The following CUL9 variants were observed in gnomAD, a reference collection of about 807,000 sequenced individuals.
CUL9 encodes the protein cullin 9.
In CUL9, 79 loss-of-function variants were observed where a neutral mutation model predicts 272.6. That is an observed-to-expected ratio of 0.29 (90% CI 0.24 to 0.35). The LOEUF (loss-of-function observed/expected upper bound fraction) is 0.35. CUL9 is among the 10% of genes least tolerant of loss of function. The pLI is 1.00. For synonymous variants in CUL9, 1,186 were observed against 1,286.5 expected (o/e 0.92, Z 1.67); for missense variants, 2,532 against 3,255.6 (o/e 0.78, Z 5.41).
rs745608276 is a variant in CUL9, at chr6:43,224,407, G to A, written c.7516G>A (p.Gly2506Ser). 2 of 1,614,110 alleles carry A rather than the reference G, an allele frequency of 1.2e-6. No individual in the cohort carries two copies. Among genetic ancestry groups the A allele is most frequent in the Non-Finnish European group, 1.7e-6 (2 of 1,180,020 alleles). ...CCTGGACCAAGAGACTTTCTTCTTT[G>A]GTGATGAGGAAGAGGATGAAGATGA... ...ENLDQETFFF[G>S]DEEEDEDEAY... Residue 2506 changes from glycine (G) to serine (S), a missense_variant, in exon 41 of 41, where the codon GGT becomes AGT. By Grantham distance (56) the Gly-to-Ser change is moderately conservative. This residue lies in a region of CUL9 where 237 missense variants were observed against 305.9 expected (regional missense o/e 0.77). Transcript: ENST00000252050. This position sits in a 1 kb window ranked among gnomAD's most constrained non-coding sequence, Gnocchi z 4.2.
At chr6:43,191,300 T>TGTGTGCGTG (rs1562020004) in intron 8 of CUL9, among the ~76,000 whole-genome samples, 4 of 122,988 alleles carry the variant, frequency 3.3e-5, no homozygotes, top group African/African-American at 1.6e-4. Context: ...GTGCGTGTTG[T>TGTGTGCGTG]TTTTTTTTTT....
intron 9 of CUL9, among the ~76,000 whole-genome samples, chr6:43,194,298 T>TTTTTTTC (rs566445915): frequency 2.0e-5 from 3 of 152,032 alleles, no homozygotes; most frequent in Non-Finnish European, 2.9e-5. Flanking sequence ...CTTTTCTCTT[T>TTTTTTTC]TTTTTTCTTT....
rs1237208021 is a variant in CUL9 at position 43,213,682 on chromosome 6, C to T, written c.5489-31C>T. 1.2e-5 allele frequency: 19 copies of T among 1,609,530 alleles called. No homozygotes were observed. The highest frequency in any genetic ancestry group is 2.1e-4 in the Middle Eastern group (1 of 4,856). Reference sequence around the variant, plus strand: ...TCCCCATTCATCTGTCCCTCTGCCTCCTCTGGTACCTGACCGGGAGCGGGT... The same window carrying T: ...TCCCCATTCATCTGTCCCTCTGCCTTCTCTGGTACCTGACCGGGAGCGGGT... On this transcript the variant is annotated intron_variant, in intron 28 of 40. Coordinates refer to ENST00000252050, the MANE Select transcript of CUL9 (RefSeq NM_015089.4). This position sits in a 1 kb window ranked among gnomAD's most constrained non-coding sequence, Gnocchi z 5.7.
chr6:43,205,208 C>T, intron 23 of CUL9, 55 bp from the exon 24 acceptor site: 11 of 1,600,138 alleles, frequency 6.9e-6, no homozygotes, highest in Non-Finnish European at 9.4e-6. Flanking sequence ...GCTCCCCAGT[C>T]TCCTACTCCA....
chr6:43,192,051 C>A (rs1773569796), intron 8 of CUL9, among the ~76,000 whole-genome samples: 1 of 146,842 alleles, frequency 6.8e-6, no homozygotes, highest in Non-Finnish European at 1.5e-5. Context: ...CAAGCCTACC[C>A]CTTTTCTCTT....
intron 21 of CUL9, 86 bp downstream of exon 21, chr6:43,204,625 T>G: frequency 6.3e-7 from 1 of 1,589,122 alleles, no homozygotes; most frequent in Admixed American, 1.7e-5. Flanking sequence ...CTCTTGCTGC[T>G]TTGCTACCGG....
At position 43,196,083 on chromosome 6, in the gene CUL9, G is replaced by A; in HGVS notation, c.2403G>A (p.Leu801=). The change falls in exon 10 of 41, where the codon CTG becomes CTA. Residue 801 remains leucine, a synonymous_variant. Coordinates refer to ENST00000252050, the MANE Select transcript of CUL9 (RefSeq NM_015089.4). ...CCCCCTCACAGGCACTGAAGATGCT[G>A]GCCGTCGCCAGCTCCTCGGAGATCC... is the stretch of plus-strand genomic sequence containing the variant. ...QQAGLAALKM[L]AVASSSEIPT... 1 of 1,612,856 alleles carries A rather than the reference G, an allele frequency of 6.2e-7. No individual in the cohort carries two copies. The highest frequency in any genetic ancestry group is 8.5e-7 in the Non-Finnish European group (1 of 1,179,102).
chr6:43,183,815 C>T (rs769427064), intron 1 of CUL9, among the ~76,000 whole-genome samples: 9 of 151,720 alleles, frequency 5.9e-5, no homozygotes, highest in Non-Finnish European at 1.2e-4. Flanking sequence ...TACAGTGGCG[C>T]GGTCTTGGCT....
Position 43,203,585 on chromosome 6 carries a change from T to C in CUL9, c.4018T>C (p.Cys1340Arg). The change falls in exon 19 of 41, where the codon TGT (cysteine) becomes CGT (arginine). Residue 1340 changes from cysteine to arginine, a missense_variant. Transcript: ENST00000252050. This position sits in a 1 kb window ranked among gnomAD's most constrained non-coding sequence, Gnocchi z 5.0. ...GGACCACCGGCGCCTCCTCCAGCTC[T>C]GTCCCAGGTGGGTGGGGCCTGAGGA... ...AEDHRRLLQL[C>R]PRLNRVLRHE... 1 of 1,612,970 alleles carries C rather than the reference T, an allele frequency of 6.2e-7. No individual in the cohort carries two copies.
chr6:43,215,187 C>G lies in CUL9; in HGVS notation c.5797C>G (p.Leu1933Val). 6.2e-7 allele frequency: 1 copy of G among 1,614,206 alleles called. No individual in the cohort carries two copies. Among genetic ancestry groups the G allele is most frequent in the Non-Finnish European group, 8.5e-7 (1 of 1,180,034 alleles). The change falls in exon 30 of 41, where the codon CTC (leucine) becomes GTC (valine). Residue 1933 changes from leucine (L) to valine (V), a missense_variant. Coordinates refer to ENST00000252050, the MANE Select transcript of CUL9 (RefSeq NM_015089.4). Reference protein sequence around the residue: ...STDVLSCILHLLGQGYVKRRD... With the variant: ...STDVLSCILHVLGQGYVKRRD... ...AGATGTCCTCTCTTGCATCCTGCACCTCTTAGGCCAGGGCTACGTGAAACG... is the reference window on the plus strand; with the variant it reads ...AGATGTCCTCTCTTGCATCCTGCACGTCTTAGGCCAGGGCTACGTGAAACG...
intron 24 of CUL9, 41 bp from the exon 25 acceptor site, chr6:43,205,966 G>A (rs775808200): frequency 6.3e-7 from 1 of 1,583,804 alleles, no homozygotes; most frequent in Non-Finnish European, 8.7e-7. Flanking sequence ...GGCCACGCTG[G>A]CACCCACACT....
chr6:43,215,355 G>C (rs1562056531), intron 30 of CUL9, 29 bp downstream of exon 30: 4 of 1,565,840 alleles, frequency 2.6e-6, no homozygotes, highest in Non-Finnish European at 3.5e-6. Flanking sequence ...CCCTTGCAGT[G>C]AGGCGGGAGA....
chr6:43,209,067 T>G (rs1216715961), intron 26 of CUL9, among the ~76,000 whole-genome samples: 1 of 152,034 alleles, frequency 6.6e-6, no homozygotes, highest in Non-Finnish European at 1.5e-5. Context: ...AACTCCTGCC[T>G]CAGCCTCCCA....
chr6:43,188,231 G>A (rs1477624731), intron 7 of CUL9, 113 bp downstream of exon 7: 1 of 1,282,014 alleles, frequency 7.8e-7, no homozygotes, highest in Non-Finnish European at 1.1e-6. Context: ...TTTTGCAGGG[G>A]AAAATGCCTT....
Position 43,222,410 on chromosome 6 carries a change from C to A in CUL9, c.6921+20C>A. On this transcript the variant is annotated intron_variant, in intron 36 of 40. Transcript: ENST00000252050. ...GCGCGGGTGAGTCGGGAGGAAACAG[C>A]GGGTAGATGCCTGCAGAAGCAGGTT... The A allele has an allele frequency of 9.7e-7, 1 of 1,030,818 alleles. No individual in the cohort carries two copies. The highest frequency in any genetic ancestry group is 1.4e-6 in the Non-Finnish European group (1 of 730,874). The allele number at this position is 1,030,818 out of a possible 1,614,324, so 63.9% of individuals were successfully genotyped here.
At chr6:43,196,414 G>C in intron 10 of CUL9, 149 bp downstream of exon 10, 1 of 841,492 alleles carries the variant, frequency 1.2e-6, no homozygotes, top group South Asian at 1.7e-5. Flanking sequence ...GTTGTTGGAG[G>C]AGAACCCAAG....
chr6:43,218,964 C>CG lies in CUL9; in HGVS notation c.6283-1489dup, dbSNP rs983148363. On this transcript the variant is annotated intron_variant, in intron 31 of 40. Transcript: ENST00000252050. The surrounding 1 kb of genome is among the most constrained non-coding windows in gnomAD (Gnocchi z 4.4). Reference sequence around the variant, plus strand: ...AACCAAGCCTGTAAAGATACAGAGACGGGGGGTCTCAGGAGTTTGAGACCA... The same window carrying CG: ...AACCAAGCCTGTAAAGATACAGAGACGGGGGGGTCTCAGGAGTTTGAGACCA... Among the ~76,000 whole-genome samples the CG allele has an allele frequency of 3.1e-4, 47 of 152,106 alleles. No individual in the cohort carries two copies. The highest frequency in any genetic ancestry group is 9.9e-4 in the African/African-American group (41 of 41,488).
In CUL9 at chr6:43,220,702, CCTG is replaced by C; in HGVS notation, c.6424-44_6424-42del. On this transcript the variant is annotated intron_variant, in intron 32 of 40. Coordinates refer to ENST00000252050, the MANE Select transcript of CUL9 (RefSeq NM_015089.4). This position sits in a 1 kb window ranked among gnomAD's most constrained non-coding sequence, Gnocchi z 4.9. ...TGCTGGGGGCCTGGAGGTGTGGCAT[CCTG>C]GAGAGCCATACCCTCACCTCGTGGC... 6.2e-7 allele frequency: 1 copy of C among 1,604,726 alleles called. No homozygotes were observed. Among genetic ancestry groups the C allele is most frequent in the Non-Finnish European group, 8.5e-7 (1 of 1,174,744 alleles).
In CUL9 at chr6:43,204,430, C is replaced by T; in HGVS notation, c.4230C>T (p.Asn1410=). The T allele has an allele frequency of 6.2e-7, 1 of 1,614,178 alleles. No individual in the cohort carries two copies. The highest frequency in any genetic ancestry group is 8.5e-7 in the Non-Finnish European group (1 of 1,180,030). The part of the protein sequence containing the change: ...QYLEQRETSR[N]PLSRAASFAS... ...TAGAACAGAGAGAGACCTCTCGGAA[C>T]CCCTTGAGTCGAGCAGCGTCCTTTG... Residue 1410 remains asparagine, a synonymous_variant, in exon 21 of 41, where the codon AAC becomes AAT. Coordinates refer to ENST00000252050, the MANE Select transcript of CUL9 (RefSeq NM_015089.4).
Sources: gnomAD v4.1 joint callset for allele counts (sites outside exome capture counted in the v4.1 genomes callset) on GRCh38, gnomAD v4.1.1 for gene constraint, gnomAD v4.1.1 regional missense constraint, Gnocchi (gnomAD v3.1) non-coding constraint, MANE v1.5 for transcripts, NCBI Gene and HGNC (gene_info 2026-07-23, HGNC 2026-07-21) for gene names.